Variants in ZC3H12B observed in about 807,000 individuals in gnomAD.
ZC3H12B encodes probable ribonuclease ZC3H12B.
Under a neutral mutation model 43.9 loss-of-function variants are expected in ZC3H12B, and 7 were observed. That is an observed-to-expected ratio of 0.16 (90% CI 0.09 to 0.30). ZC3H12B has a LOEUF of 0.30. Ranked by LOEUF, ZC3H12B falls within the 10% of genes least tolerant of loss-of-function variation. ZC3H12B has a pLI of 1.00. For synonymous variants in ZC3H12B, 222 were observed against 241.7 expected (o/e 0.92, Z 0.76); for missense variants, 475 against 670.2 (o/e 0.71, Z 3.22).
the ZC3H12B span, among the ~76,000 whole-genome samples, chrX:65,165,427 A>T: frequency 9.0e-6 from 1 of 111,424 alleles, no homozygotes; most frequent in Non-Finnish European, 1.9e-5. Flanking sequence ...CTCACACTTC[A>T]TTTGCCCCAC....
the ZC3H12B span, among the ~76,000 whole-genome samples, chrX:65,111,701 T>A: frequency 9.0e-6 from 1 of 110,500 alleles, no homozygotes; most frequent in Non-Finnish European, 1.9e-5. Flanking sequence ...ATTATGGTGA[T>A]TTGTGATCAG....
chrX:65,282,319 A>G, the ZC3H12B span, among the ~76,000 whole-genome samples: 1 of 111,382 alleles, frequency 9.0e-6, no homozygotes. Context: ...AAGAAAACCA[A>G]AAACAACAAC....
At chrX:65,073,206 A>G in the ZC3H12B span, among the ~76,000 whole-genome samples, 1 of 112,921 alleles carries the variant, frequency 8.9e-6, no homozygotes, top group Non-Finnish European at 1.9e-5. Flanking sequence ...ACACGCATGC[A>G]TGCACACACA....
the ZC3H12B span, among the ~76,000 whole-genome samples, chrX:65,134,421 T>G: frequency 1.7e-4 from 19 of 111,868 alleles, no homozygotes; most frequent in East Asian, 4.5e-3. Context: ...ACTGGAGTTT[T>G]GGGTCCATGG....
chrX:65,326,095 A>G, the ZC3H12B span, among the ~76,000 whole-genome samples: 1 of 111,674 alleles, frequency 9.0e-6, no homozygotes. Flanking sequence ...TACAAAACCC[A>G]TTAGAAGAAA....
chrX:65,212,290 AT>A, the ZC3H12B span, among the ~76,000 whole-genome samples: 1 of 50,826 alleles, frequency 2.0e-5, no homozygotes, highest in African/African-American at 8.0e-5. Flanking sequence ...TAATTATAAT[AT>A]ATTATATAAT....
the ZC3H12B span, among the ~76,000 whole-genome samples, chrX:65,253,804 G>T: frequency 8.9e-6 from 1 of 111,981 alleles, no homozygotes; most frequent in Non-Finnish European, 1.9e-5. Flanking sequence ...ATGTGCACCA[G>T]CACACTGGCA....
At chrX:65,347,777 A>C in the ZC3H12B span, among the ~76,000 whole-genome samples, 1 of 112,474 alleles carries the variant, frequency 8.9e-6, no homozygotes, top group African/African-American at 3.2e-5. Context: ...CTATAAAGAC[A>C]CATGCACACG....
chrX:65,361,497 C>A, the ZC3H12B span, among the ~76,000 whole-genome samples: 1 of 112,133 alleles, frequency 8.9e-6, no homozygotes, highest in Non-Finnish European at 1.9e-5. Flanking sequence ...TTACAAATAA[C>A]ACATGTAAGT....
the ZC3H12B span, among the ~76,000 whole-genome samples, chrX:65,220,250 C>G: frequency 6.3e-5 from 7 of 111,391 alleles, no homozygotes; most frequent in Non-Finnish European, 1.1e-4. Flanking sequence ...CAGAATTTCC[C>G]TAAAGCATAA....
chrX:65,166,754 G>T, the ZC3H12B span, among the ~76,000 whole-genome samples: 402 of 111,892 alleles, frequency 3.6e-3, 1 homozygote, highest in Non-Finnish European at 6.1e-3. Context: ...GTGTGAGATG[G>T]TATCTCATTG....
At chrX:65,129,263 A>ATGGCTCTAT in the ZC3H12B span, among the ~76,000 whole-genome samples, 11,147 of 106,024 alleles carry the variant, frequency 0.11, 1,521 homozygotes, top group African/African-American at 0.36. Context: ...ATATGTATAT[A>ATGGCTCTAT]TATATATATA....
the ZC3H12B span, among the ~76,000 whole-genome samples, chrX:65,064,933 A>G: frequency 1.8e-5 from 2 of 110,410 alleles, no homozygotes; most frequent in Admixed American, 1.9e-4. Flanking sequence ...TGTTGGTTTA[A>G]AGTCTGTTTT....
chrX:65,161,699 G>T, the ZC3H12B span, among the ~76,000 whole-genome samples: 2 of 111,837 alleles, frequency 1.8e-5, no homozygotes, highest in Non-Finnish European at 3.8e-5. Context: ...ACACTGCTGG[G>T]TCTTGACTCT....
chrX:65,192,331 G>T, the ZC3H12B span, among the ~76,000 whole-genome samples: 3 of 111,565 alleles, frequency 2.7e-5, no homozygotes, highest in South Asian at 3.8e-4. Flanking sequence ...TTCCAATTTG[G>T]ATACCCTTTT....
intron 3 of ZC3H12B, among the ~76,000 whole-genome samples, chrX:65,426,107 A>C (rs1444753225): frequency 9.7e-6 from 1 of 102,922 alleles, no homozygotes; most frequent in East Asian, 3.0e-4. Context: ...TTTTTTCTTG[A>C]TAGGATATTT....
At chrX:65,279,741 A>G in the ZC3H12B span, among the ~76,000 whole-genome samples, 1 of 112,291 alleles carries the variant, frequency 8.9e-6, no homozygotes, top group African/African-American at 3.2e-5. Context: ...TGAACTTAAG[A>G]CCTTCTGCAC....
intron 3 of ZC3H12B, among the ~76,000 whole-genome samples, chrX:65,440,862 T>C (rs1260753042): frequency 1.8e-5 from 2 of 112,227 alleles, no homozygotes; most frequent in Non-Finnish European, 3.8e-5. Context: ...TTTCTAATTG[T>C]TCAGCAGCTA....
At chrX:65,324,246 G>A in the ZC3H12B span, among the ~76,000 whole-genome samples, 1 of 111,818 alleles carries the variant, frequency 8.9e-6, no homozygotes, top group Non-Finnish European at 1.9e-5. Flanking sequence ...TGCTTTTGGT[G>A]TTTTAGTCAT....
Sources: allele counts gnomAD v4.1 joint callset (sites outside exome capture counted in the v4.1 genomes callset), GRCh38; gene constraint gnomAD v4.1.1; transcripts MANE v1.5; gene names NCBI Gene and HGNC (gene_info 2026-07-23, HGNC 2026-07-21).